STXBP5L: variants seen among roughly 807,000 people sequenced by gnomAD.
STXBP5L encodes syntaxin-binding protein 5-like.
In STXBP5L, 65 loss-of-function variants were observed where a neutral mutation model predicts 144.5. That is an observed-to-expected ratio of 0.45 (90% CI 0.37 to 0.55). STXBP5L has a LOEUF of 0.55. Ranked by LOEUF, STXBP5L falls within the 20% of genes least tolerant of loss-of-function variation. The probability of loss-of-function intolerance (pLI) is 0.00; values close to 1 mark genes in which losing one functional copy is unlikely to be tolerated. For synonymous variants in STXBP5L, 505 were observed against 469.6 expected (o/e 1.08, Z -0.97); for missense variants, 1,298 against 1,405.5 (o/e 0.92, Z 1.22).
chr3:121,258,739 C>T (rs1215490966), intron 17 of STXBP5L, among the ~76,000 whole-genome samples: 2 of 151,822 alleles, frequency 1.3e-5, no homozygotes, highest in Non-Finnish European at 2.9e-5. Context: ...ACATATATTA[C>T]ATTAGAAAAA....
intron 20 of STXBP5L, among the ~76,000 whole-genome samples, chr3:121,368,020 T>C (rs918761943): frequency 5.3e-5 from 8 of 152,092 alleles, no homozygotes; most frequent in African/African-American, 1.9e-4. Context: ...ATGTGTTTCA[T>C]CAAATTTGAG....
chr3:121,183,924 G>T lies in STXBP5L; in HGVS notation c.878-21999G>T, dbSNP rs192122656. ...CGCTGGTGATACCCAGGCAAACAGG[G>T]TCTGGAATGGACCTCCAGCAAACTC... On this transcript the variant is annotated intron_variant, in intron 9 of 26. Transcript: ENST00000471454. 1.4e-3 allele frequency among the ~76,000 whole-genome samples: 213 copies of T among 152,172 alleles called. 1 individual carries two copies. The highest frequency in any genetic ancestry group is 0.013 in the South Asian group (63 of 4,810).
At chr3:121,003,288 A>G (rs4048826) in intron 3 of STXBP5L, among the ~76,000 whole-genome samples, 78,132 of 151,718 alleles carry the variant, frequency 0.51, 20,551 homozygotes, top group Admixed American at 0.6. Flanking sequence ...GTTTTGATTT[A>G]CATTTCTCTG....
rs549448262 is a variant in STXBP5L, at chr3:121,079,162, C to T, written c.470+33627C>T. ...GAGGAAAGTTTATTAAGGTGCTCAC[C>T]GGCTCAGCCGGACATATGTCCAGAA... On this transcript the variant is annotated intron_variant, in intron 5 of 26. Transcript: ENST00000471454. Among the ~76,000 whole-genome samples the T allele has an allele frequency of 3.6e-4, 55 of 152,366 alleles. 1 individual carries two copies. The highest frequency in any genetic ancestry group is 3.4e-3 in the Middle Eastern group (1 of 294).
At chr3:121,043,982 G>A (rs993131927) in intron 4 of STXBP5L, among the ~76,000 whole-genome samples, 2 of 152,062 alleles carry the variant, frequency 1.3e-5, no homozygotes, top group African/African-American at 4.8e-5. Flanking sequence ...CTCATCAAAT[G>A]CTTCCAAGGA....
intron 5 of STXBP5L, among the ~76,000 whole-genome samples, chr3:121,069,839 T>A (rs2041724121): frequency 6.6e-6 from 1 of 152,202 alleles, no homozygotes; most frequent in African/African-American, 2.4e-5. Context: ...CCAGCAGTAT[T>A]TGTTGAAGAC....
At chr3:121,366,691 TTCAG>T (rs2045872631) in intron 20 of STXBP5L, among the ~76,000 whole-genome samples, 1 of 152,092 alleles carries the variant, frequency 6.6e-6, no homozygotes, top group African/African-American at 2.4e-5. Flanking sequence ...TTTTTATCCT[TTCAG>T]TCAATCTCTA....
At chr3:121,343,693 G>C (rs1336915843) in intron 20 of STXBP5L, among the ~76,000 whole-genome samples, 1 of 152,110 alleles carries the variant, frequency 6.6e-6, no homozygotes, top group African/African-American at 2.4e-5. Context: ...ACTTACAAGG[G>C]ACGTGAAGGA....
At chr3:121,026,034 T>G (rs1335865630) in intron 3 of STXBP5L, among the ~76,000 whole-genome samples, 2 of 145,420 alleles carry the variant, frequency 1.4e-5, no homozygotes, top group African/African-American at 5.0e-5. Flanking sequence ...ATTTTATAAG[T>G]TATATATAAT....
chr3:121,208,332 A>G (rs1043537450), intron 10 of STXBP5L, among the ~76,000 whole-genome samples: 12 of 93,138 alleles, frequency 1.3e-4, no homozygotes, highest in Admixed American at 2.6e-4. Context: ...GGGGCCTGTC[A>G]TGGGGTGGGG....
At chr3:121,175,857 T>TAA (rs34893213) in intron 9 of STXBP5L, among the ~76,000 whole-genome samples, 20 of 140,434 alleles carry the variant, frequency 1.4e-4, no homozygotes, top group East Asian at 8.2e-4. Flanking sequence ...AAGTTGACAG[T>TAA]AAAAAAAAAA....
intron 3 of STXBP5L, among the ~76,000 whole-genome samples, chr3:121,040,947 C>T (rs1428979803): frequency 1.3e-5 from 2 of 152,042 alleles, no homozygotes; most frequent in Non-Finnish European, 2.9e-5. Context: ...TGGAGACTCT[C>T]ATCTAATTTG....
intron 5 of STXBP5L, among the ~76,000 whole-genome samples, chr3:121,086,860 C>G (rs9822863): frequency 0.099 from 15,095 of 151,962 alleles, 1,180 homozygotes; most frequent in Admixed American, 0.2. Flanking sequence ...TACTTACACT[C>G]TATATAAGAG....
At chr3:121,053,434 T>G (rs1031920755) in intron 5 of STXBP5L, among the ~76,000 whole-genome samples, 1 of 151,946 alleles carries the variant, frequency 6.6e-6, no homozygotes, top group African/African-American at 2.4e-5. Flanking sequence ...CAGAAATAAT[T>G]CTGCATATCT....
At chr3:121,108,574 C>T (rs2043822730) in intron 5 of STXBP5L, among the ~76,000 whole-genome samples, 2 of 152,050 alleles carry the variant, frequency 1.3e-5, no homozygotes, top group African/African-American at 2.4e-5. Flanking sequence ...CCAGCTTGAT[C>T]GTGGTAGATA....
rs750928149 is a variant in STXBP5L at position 121,378,850 on chromosome 3, G to A, written c.2311G>A (p.Ala771Thr). The A allele has an allele frequency of 2.5e-6, 4 of 1,613,678 alleles. No homozygotes were observed. Among genetic ancestry groups the A allele is most frequent in the Non-Finnish European group, 3.4e-6 (4 of 1,179,792 alleles). Residue 771 changes from alanine (A) to threonine (T), a missense_variant, in exon 21 of 27, where the codon GCC (alanine) becomes ACC (threonine). Coordinates refer to ENST00000471454, the MANE Select transcript of STXBP5L (RefSeq NM_001308330.2). ...ACCATTTCGAAAGGCCCAGTCAGCA[G>A]CCTGCATGGAGATTTCTTTACCAGT... ...RPPFRKAQSAACMEISLPVTT... is the reference protein window; with the variant it reads ...RPPFRKAQSATCMEISLPVTT...
At chr3:121,122,527 A>G (rs1473181164) in intron 7 of STXBP5L, among the ~76,000 whole-genome samples, 1 of 151,494 alleles carries the variant, frequency 6.6e-6, no homozygotes, top group African/African-American at 2.4e-5. Flanking sequence ...GGGGTACACA[A>G]GAGGACCAAT....
chr3:121,294,932 G>A (rs539585254), intron 19 of STXBP5L, among the ~76,000 whole-genome samples: 2 of 152,226 alleles, frequency 1.3e-5, no homozygotes, highest in African/African-American at 2.4e-5. Flanking sequence ...TTTAAAAAGC[G>A]ATTTTAGAAA....
At chr3:121,398,663 C>T (rs2046795154) in intron 22 of STXBP5L, among the ~76,000 whole-genome samples, 1 of 152,166 alleles carries the variant, frequency 6.6e-6, no homozygotes, top group Admixed American at 6.5e-5. Context: ...AAAACAAGCC[C>T]CAGGAAATGA....
Sources: gnomAD v4.1 joint callset for allele counts (sites outside exome capture counted in the v4.1 genomes callset) on GRCh38, gnomAD v4.1.1 for gene constraint, MANE v1.5 for transcripts, NCBI Gene and HGNC (gene_info 2026-07-23, HGNC 2026-07-21) for gene names.